GALNT9: variants seen among roughly 807,000 people sequenced by gnomAD.
The protein encoded by GALNT9 is polypeptide N-acetylgalactosaminyltransferase 9, also known as GalNAc transferase 9.
Under a neutral mutation model 63.1 loss-of-function variants are expected in GALNT9, and 47 were observed. The observed-to-expected ratio is 0.75, with a 90% confidence interval of 0.59 to 0.95. The LOEUF is 0.95. GALNT9 is among the 40% of genes least tolerant of loss of function. The pLI is 0.00. For synonymous variants in GALNT9, 396 were observed against 365.7 expected (o/e 1.08, Z -0.94); for missense variants, 829 against 874.8 (o/e 0.95, Z 0.66).
intron 6 of GALNT9, among the ~76,000 whole-genome samples, chr12:132,227,780 G>A (rs1030247745): frequency 1.9e-4 from 29 of 152,168 alleles, no homozygotes; most frequent in African/African-American, 5.3e-4. Context: ...AGGCAGCCCC[G>A]CTGGTTAATG....
At chr12:132,297,518 C>T (rs1881119157) in intron 1 of GALNT9, among the ~76,000 whole-genome samples, 2 of 151,834 alleles carry the variant, frequency 1.3e-5, no homozygotes, top group African/African-American at 4.8e-5. Flanking sequence ...ATGACCAAGC[C>T]ACTCCCACAA....
At position 132,246,879 on chromosome 12, in the gene GALNT9, C is replaced by G. The variant is rs1247883949; in HGVS notation, c.1077+1031G>C. Among the ~76,000 whole-genome samples, 1 of 152,156 alleles carries G rather than the reference C, an allele frequency of 6.6e-6. No individual in the cohort carries two copies. Among genetic ancestry groups the G allele is most frequent in the African/African-American group, 2.4e-5 (1 of 41,416 alleles). On this transcript the variant is annotated intron_variant, in intron 6 of 10. Transcript: ENST00000328957. This position sits in a 1 kb window ranked among gnomAD's most constrained non-coding sequence, Gnocchi z 4.7. ...AACCTGAGTTAAACAATCGCGGCCA[C>G]GGGGAAGGAGGCCGTTTTATTGATT...
Position 132,329,236 on chromosome 12 carries a change from G to A in GALNT9, c.-33C>T. ...GCTGCAGCGGGGGCCTCACCCGCGG[G>A]GCATCCCCAGCATCCCCGCCCGGGC... On this transcript the variant is annotated 5_prime_UTR_variant, in exon 1 of 11. Coordinates refer to ENST00000328957, the MANE Select transcript of GALNT9 (RefSeq NM_001122636.2). 1 of 1,527,888 alleles carries A rather than the reference G, an allele frequency of 6.5e-7. No homozygotes were observed. The highest frequency in any genetic ancestry group is 1.2e-5 in the South Asian group (1 of 82,498). The allele number at this position is 1,527,888 out of a possible 1,614,324, so 94.6% of individuals were successfully genotyped here. A position where few individuals can be genotyped will look rare whatever the true frequency, so the allele number is the denominator to read the frequency against.
At chr12:132,270,681 C>T (rs1447655930) in intron 2 of GALNT9, among the ~76,000 whole-genome samples, 3 of 149,926 alleles carry the variant, frequency 2.0e-5, no homozygotes, top group African/African-American at 7.3e-5. Context: ...ACCACACAGC[C>T]ACAGCCATGG....
At position 132,257,883 on chromosome 12, in the gene GALNT9, G is replaced by C. The variant is rs782674890; in HGVS notation, c.765C>G (p.Ala255=). 4.6e-5 allele frequency: 71 copies of C among 1,534,414 alleles called. No homozygotes were observed. Among genetic ancestry groups the C allele is most frequent in the Non-Finnish European group, 5.9e-5 (67 of 1,137,742 alleles). ...CTCGGATCCGCGACAGTGCGGGCTC[G>C]GCCCTGCGGAGGCACAGCTGTGAGG... ...DAHVEFNTGW[A]EPALSRIRED... The change falls in exon 5 of 11, where the codon GCC becomes GCG. Residue 255 remains alanine (A), a synonymous_variant. Transcript: ENST00000328957.
chr12:132,257,613 C>T (rs1879185765), intron 5 of GALNT9, 76 bp downstream of exon 5: 15 of 1,179,062 alleles, frequency 1.3e-5, no homozygotes, highest in South Asian at 7.3e-5. Flanking sequence ...CCCTGGCCCT[C>T]GTCCCCACGC....
chr12:132,227,432 C>T (rs1395276596), intron 6 of GALNT9, among the ~76,000 whole-genome samples: 29 of 152,298 alleles, frequency 1.9e-4, no homozygotes, highest in African/African-American at 6.0e-4. Context: ...CACCTCAGGC[C>T]GCGTTACACC....
At chr12:132,281,710 C>G (rs1891611751) in intron 2 of GALNT9, among the ~76,000 whole-genome samples, 2 of 152,230 alleles carry the variant, frequency 1.3e-5, no homozygotes, top group South Asian at 4.1e-4. Context: ...CAGCAGCGGC[C>G]ACCTACACCT....
chr12:132,278,153 G>C (rs1238286304), intron 2 of GALNT9: 7 of 152,246 alleles, frequency 4.6e-5, no homozygotes, highest in African/African-American at 1.7e-4. Flanking sequence ...CCGGGGGCTG[G>C]GAGTGGGTTA....
intron 1 of GALNT9, among the ~76,000 whole-genome samples, chr12:132,324,905 TC>T (rs781934875): frequency 2.4e-4 from 37 of 152,118 alleles, no homozygotes; most frequent in Non-Finnish European, 5.0e-4. Flanking sequence ...GACCACCCCT[TC>T]CCCAAGCCCT....
intron 1 of GALNT9, among the ~76,000 whole-genome samples, chr12:132,293,656 C>A (rs1361879223): frequency 2.6e-5 from 4 of 152,206 alleles, no homozygotes; most frequent in Non-Finnish European, 1.5e-5. Context: ...TGTGTACAGT[C>A]GGAGCTGGAT....
chr12:132,236,038 T>G lies in GALNT9; in HGVS notation c.1077+11872A>C, dbSNP rs1443666943. Among the ~76,000 whole-genome samples the G allele has an allele frequency of 3.1e-4, 2 of 6,454 alleles. No individual in the cohort carries two copies. Among genetic ancestry groups the G allele is most frequent in the Admixed American group, 1.5e-3 (1 of 682 alleles). The allele number at this position is 6,454 out of a possible 152,430, so 4.2% of individuals were successfully genotyped here. ...GGCAGGAGGGTCCCCCGGGCTGGAG[T>G]TCAACCCTCGGGACAGGGCAGGAGG... On this transcript the variant is annotated intron_variant, in intron 6 of 10. Transcript: ENST00000328957. This position sits in a 1 kb window ranked among gnomAD's most constrained non-coding sequence, Gnocchi z 5.6.
chr12:132,243,933 CAAGA>C (rs1462411963), intron 6 of GALNT9, among the ~76,000 whole-genome samples: 2 of 152,076 alleles, frequency 1.3e-5, no homozygotes, highest in Non-Finnish European at 2.9e-5. Flanking sequence ...CCACACCCCA[CAAGA>C]AAGAAAGTTC....
chr12:132,263,621 T>TC (rs1332224114), intron 2 of GALNT9, among the ~76,000 whole-genome samples: 1 of 152,020 alleles, frequency 6.6e-6, no homozygotes, highest in African/African-American at 2.4e-5. Flanking sequence ...CAGGTCTGTC[T>TC]CCCCCCGTGA....
chr12:132,202,172 G>T (rs1876198456), intron 7 of GALNT9, among the ~76,000 whole-genome samples: 1 of 152,230 alleles, frequency 6.6e-6, no homozygotes, highest in Admixed American at 6.5e-5. Flanking sequence ...TCAGCCAAGG[G>T]GCTCACACCA....
intron 6 of GALNT9, chr12:132,247,707 C>T: frequency 1.2e-6 from 1 of 826,102 alleles, no homozygotes; most frequent in Non-Finnish European, 1.8e-6. Flanking sequence ...CACCCCGTCC[C>T]CAGACACCGC....
intron 1 of GALNT9, among the ~76,000 whole-genome samples, chr12:132,303,223 C>T (rs1012109954): frequency 2.0e-5 from 3 of 152,204 alleles, no homozygotes; most frequent in African/African-American, 2.4e-5. Context: ...GCTGGGCAGG[C>T]GCCCTGAGTG....
chr12:132,225,270 C>G (rs1246277072), intron 6 of GALNT9, among the ~76,000 whole-genome samples: 1 of 136,866 alleles, frequency 7.3e-6, no homozygotes, highest in Non-Finnish European at 1.6e-5. Flanking sequence ...CCACACACCA[C>G]ACAACCCACC....
In GALNT9 at chr12:132,286,199, C is replaced by T. The variant is rs1249586856; in HGVS notation, c.419+51G>A. On this transcript the variant is annotated intron_variant, in intron 2 of 10. Coordinates refer to ENST00000328957, the MANE Select transcript of GALNT9 (RefSeq NM_001122636.2). This position sits in a 1 kb window ranked among gnomAD's most constrained non-coding sequence, Gnocchi z 7.4. ...TCACTTCCCTGGCCAGTGTGGGGGG[C>T]GGTCACTTCCTCGGCGGGCGTCGGG... 7.0e-5 allele frequency: 105 copies of T among 1,499,614 alleles called. No homozygotes were observed. Among genetic ancestry groups the T allele is most frequent in the Middle Eastern group, 5.3e-4 (3 of 5,656 alleles). The allele number at this position is 1,499,614 out of a possible 1,614,324, so 92.9% of individuals were successfully genotyped here. A position where few individuals can be genotyped will look rare whatever the true frequency, so the allele number is the denominator to read the frequency against.
Sources: allele counts gnomAD v4.1 joint callset (sites outside exome capture counted in the v4.1 genomes callset), GRCh38; gene constraint gnomAD v4.1.1; non-coding constraint Gnocchi (gnomAD v3.1); transcripts MANE v1.5; gene names NCBI Gene and HGNC (gene_info 2026-07-23, HGNC 2026-07-21).